Variants in FBXL17 observed in about 807,000 individuals in gnomAD.
FBXL17 encodes the protein F-box and leucine rich repeat protein 17, also known as F-box/LRR-repeat protein 17.
FBXL17 carries 22 observed loss-of-function variants against 66.2 expected under a neutral mutation model. The observed-to-expected ratio is 0.33, with a 90% CI of 0.24 to 0.47. The LOEUF (loss-of-function observed/expected upper bound fraction) is 0.47. Among genes scored for constraint, FBXL17 ranks in the 20% least tolerant of loss-of-function variants. The pLI is 1.00. For missense variants in FBXL17, 878 were observed against 948.2 expected (o/e 0.93, Z 0.97); for synonymous variants, 474 against 400.5 (o/e 1.18, Z -2.19).
At chr5:108,002,503 C>T (rs1328380290) in intron 7 of FBXL17, among the ~76,000 whole-genome samples, 1 of 152,092 alleles carries the variant, frequency 6.6e-6, no homozygotes, top group Non-Finnish European at 1.5e-5. Flanking sequence ...ACTTATGATG[C>T]TTCTCAGTAA....
rs572714941 is a variant in FBXL17, at chr5:108,137,386, A to T, written c.1745+48731T>A. ...GTTATTTGGAAGAGCCTCCTCCCTGATCTCTGCCTCTACGTCATGGCATGT... is the reference window on the plus strand; with the variant it reads ...GTTATTTGGAAGAGCCTCCTCCCTGTTCTCTGCCTCTACGTCATGGCATGT... On this transcript the variant is annotated intron_variant, in intron 6 of 8. Transcript: ENST00000542267. Among the ~76,000 whole-genome samples the T allele has an allele frequency of 4.3e-4, 66 of 152,210 alleles. 2 individuals are homozygous for T. In the East Asian group the frequency reaches 8.7e-3, roughly 20 times the overall value.
intron 6 of FBXL17, among the ~76,000 whole-genome samples, chr5:108,103,147 CTT>C (rs1008555202): frequency 1.3e-5 from 2 of 152,188 alleles, no homozygotes; most frequent in Admixed American, 6.5e-5. Flanking sequence ...GTTAATCTGT[CTT>C]TGCTCTGCTT....
rs11286870 is a variant in FBXL17, at chr5:108,376,786, C to CT, written c.993+3912dup. ...TTGGATAACATAGCCAGTGTATATT[C>CT]TTTTTTTTTTTTTTTTTTTGAGACA... On this transcript the variant is annotated intron_variant, in intron 1 of 8. Transcript: ENST00000542267. Among the ~76,000 whole-genome samples, 354 of 109,990 alleles carry CT rather than the reference C, an allele frequency of 3.2e-3. 2 individuals carry two copies. The highest frequency in any genetic ancestry group is 0.011 in the South Asian group (39 of 3,690). 72.2% of individuals were successfully genotyped at this position (109,990 alleles called of 152,430 possible).
At chr5:107,983,452 C>T (rs1327870578) in intron 7 of FBXL17, among the ~76,000 whole-genome samples, 2 of 151,948 alleles carry the variant, frequency 1.3e-5, no homozygotes, top group Non-Finnish European at 2.9e-5. Flanking sequence ...TCTCAGCCTC[C>T]CAAAGTGTTG....
At chr5:107,936,127 G>A (rs1423375067) in intron 7 of FBXL17, among the ~76,000 whole-genome samples, 1 of 147,572 alleles carries the variant, frequency 6.8e-6, no homozygotes, top group East Asian at 2.0e-4. Context: ...CTAGGAGTAT[G>A]GTATCCATTT....
chr5:108,239,548 G>C (rs1036177562), intron 4 of FBXL17, among the ~76,000 whole-genome samples: 1 of 152,196 alleles, frequency 6.6e-6, no homozygotes, highest in Non-Finnish European at 1.5e-5. Flanking sequence ...CATCCCAGCA[G>C]TCAAAACCTG....
intron 6 of FBXL17, among the ~76,000 whole-genome samples, chr5:108,115,599 C>T (rs1012458445): frequency 6.7e-6 from 1 of 150,084 alleles, no homozygotes; most frequent in African/African-American, 2.5e-5. Flanking sequence ...AATGCAGACA[C>T]AGTATTTTCA....
At chr5:108,155,489 T>G (rs1751959969) in intron 6 of FBXL17, among the ~76,000 whole-genome samples, 1 of 152,136 alleles carries the variant, frequency 6.6e-6, no homozygotes, top group Admixed American at 6.6e-5. Context: ...CACTCCAGCC[T>G]GGGTGACAGA....
intron 7 of FBXL17, among the ~76,000 whole-genome samples, chr5:107,921,667 GGAAGGGGCAGCAAGA>G (rs1561321874): frequency 1.3e-5 from 2 of 152,176 alleles, no homozygotes; most frequent in African/African-American, 4.8e-5. Context: ...CTGGAAACCA[GGAAGGGGCAGCAAGA>G]GCTGCCCAAG....
At position 108,381,542 on chromosome 5, in the gene FBXL17, G is replaced by C; in HGVS notation, c.150C>G (p.Ser50Arg). ...AGGGCCCGCGGAAGAAGCAGTCCCGGCTCCGGGGCGCCGCCGGCTGAGGGG... is the reference window on the plus strand; with the variant it reads ...AGGGCCCGCGGAAGAAGCAGTCCCGCCTCCGGGGCGCCGCCGGCTGAGGGG... ...KVPPQPAAPR[S>R]RDCFFRGPCM... is the part of the protein sequence containing the mutation. The change falls in exon 1 of 9, where the codon AGC (serine) becomes AGG (arginine). Residue 50 changes from serine (S) to arginine (R), a missense_variant. Ser to Arg is a moderately radical substitution (Grantham distance 110, BLOSUM62 -1). Around this residue, in one of 4 missense-constraint regions of FBXL17, gnomAD observed 605 missense variants for 509.5 expected, o/e 1.19. Coordinates refer to ENST00000542267, the MANE Select transcript of FBXL17 (RefSeq NM_001163315.3). 1.4e-6 allele frequency: 2 copies of C among 1,426,494 alleles called. No homozygotes were observed. The highest frequency in any genetic ancestry group is 1.8e-6 in the Non-Finnish European group (2 of 1,098,864). The allele number at this position is 1,426,494 out of a possible 1,614,324, so 88.4% of individuals were successfully genotyped here. A position where few individuals can be genotyped will look rare whatever the true frequency, so the allele number is the denominator to read the frequency against.
intron 5 of FBXL17, among the ~76,000 whole-genome samples, chr5:108,216,676 G>C (rs1380746123): frequency 6.6e-6 from 1 of 152,042 alleles, no homozygotes; most frequent in Non-Finnish European, 1.5e-5. Context: ...GCTTGCCTTA[G>C]GTAGATAACA....
At chr5:108,241,871 A>G (rs1025239601) in intron 4 of FBXL17, among the ~76,000 whole-genome samples, 1 of 152,208 alleles carries the variant, frequency 6.6e-6, no homozygotes, top group Non-Finnish European at 1.5e-5. Flanking sequence ...TGACATATTT[A>G]AAGTACTGAA....
Position 108,381,744 on chromosome 5 carries a change from G to C in FBXL17, c.-53C>G, listed in dbSNP as rs1007753985. The C allele has an allele frequency of 1.0e-5, 14 of 1,379,132 alleles. No homozygotes were observed. In the African/African-American group the frequency reaches 2.1e-4, roughly 21 times the overall value. The allele number at this position is 1,379,132 out of a possible 1,614,324, so 85.4% of individuals were successfully genotyped here. ...GACGGGAGGGAGGGAGACCCAGAGA[G>C]GCGGGCTCCCGGCAGCGGGGCAGGC... On this transcript the variant is annotated 5_prime_UTR_variant, in exon 1 of 9. Coordinates refer to ENST00000542267, the MANE Select transcript of FBXL17 (RefSeq NM_001163315.3).
intron 7 of FBXL17, among the ~76,000 whole-genome samples, chr5:108,019,394 G>C (rs1754501661): frequency 6.6e-6 from 1 of 152,014 alleles, no homozygotes; most frequent in Non-Finnish European, 1.5e-5. Flanking sequence ...ATGACATGAA[G>C]TATCTCTATG....
chr5:108,335,237 C>T (rs887772413), intron 4 of FBXL17, among the ~76,000 whole-genome samples: 14 of 148,172 alleles, frequency 9.4e-5, no homozygotes. Flanking sequence ...CCACCCCCCC[C>T]CAACACACAA....
intron 7 of FBXL17, among the ~76,000 whole-genome samples, chr5:107,946,255 T>TTTTTTTTATATA (rs1208616623): frequency 2.5e-5 from 1 of 40,390 alleles, no homozygotes; most frequent in Non-Finnish European, 4.4e-5. Flanking sequence ...CAATCTCATT[T>TTTTTTTTATATA]TATATATATA....
At chr5:108,174,826 G>A (rs1362689267) in intron 6 of FBXL17, among the ~76,000 whole-genome samples, 1 of 149,804 alleles carries the variant, frequency 6.7e-6, no homozygotes, top group African/African-American at 2.4e-5. Flanking sequence ...TGGAAGGCAG[G>A]CAAAGTTTCT....
At chr5:108,215,888 G>A (rs1754579502) in intron 5 of FBXL17, among the ~76,000 whole-genome samples, 1 of 152,070 alleles carries the variant, frequency 6.6e-6, no homozygotes, top group Non-Finnish European at 1.5e-5. Context: ...ATGGTCTGAG[G>A]TAGAGGTCTA....
intron 5 of FBXL17, among the ~76,000 whole-genome samples, chr5:108,191,129 A>C (rs565455728): frequency 6.6e-6 from 1 of 152,358 alleles, no homozygotes; most frequent in African/African-American, 2.4e-5. Flanking sequence ...ACTGAATAGA[A>C]CCATGCAAAA....
Sources: gnomAD v4.1 joint callset for allele counts (sites outside exome capture counted in the v4.1 genomes callset) on GRCh38, gnomAD v4.1.1 for gene constraint, gnomAD v4.1.1 regional missense constraint, MANE v1.5 for transcripts, NCBI Gene and HGNC (gene_info 2026-07-23, HGNC 2026-07-21) for gene names.